FAM163A: variants seen among roughly 807,000 people sequenced by gnomAD.
FAM163A encodes the protein protein FAM163A.
In FAM163A, 7 loss-of-function variants were observed where a neutral mutation model predicts 12.0. That is an observed-to-expected ratio of 0.58 (90% CI 0.33 to 1.10). FAM163A has a LOEUF of 1.10. Among genes scored for constraint, FAM163A ranks in the 50% least tolerant of loss-of-function variants. The pLI, the probability that FAM163A is intolerant of heterozygous loss-of-function variation, is 0.03. For missense variants in FAM163A, 202 were observed against 218.6 expected (o/e 0.92, Z 0.48); for synonymous variants, 101 against 91.0 (o/e 1.11, Z -0.62).
chr1:179,746,149 A>G (rs963450386), intron 1 of FAM163A, among the ~76,000 whole-genome samples: 1 of 152,238 alleles, frequency 6.6e-6, no homozygotes, highest in African/African-American at 2.4e-5. Context: ...GTACTTTCAT[A>G]TATTGCTGCT....
At chr1:179,760,292 T>G (rs984116651) in intron 1 of FAM163A, among the ~76,000 whole-genome samples, 2 of 152,180 alleles carry the variant, frequency 1.3e-5, no homozygotes, top group Admixed American at 1.3e-4. Context: ...ATTTATTGAG[T>G]GCCCATTGTA....
intron 1 of FAM163A, among the ~76,000 whole-genome samples, chr1:179,777,079 G>A (rs1689082552): frequency 6.6e-6 from 1 of 152,222 alleles, no homozygotes; most frequent in Middle Eastern, 3.4e-3. Flanking sequence ...GAGTAGCATC[G>A]GATTGTATGA....
At chr1:179,810,375 A>G (rs1694542642) in intron 2 of FAM163A, among the ~76,000 whole-genome samples, 1 of 152,172 alleles carries the variant, frequency 6.6e-6, no homozygotes, top group South Asian at 2.1e-4. Context: ...TCCCCTGTCA[A>G]AAGCCCCGTC....
chr1:179,794,195 T>A (rs1304423141), intron 1 of FAM163A, among the ~76,000 whole-genome samples: 1 of 152,228 alleles, frequency 6.6e-6, no homozygotes, highest in Non-Finnish European at 1.5e-5. Flanking sequence ...CAGGGGCCTG[T>A]CTTTGCTGCA....
At chr1:179,767,077 C>T (rs111666744) in intron 1 of FAM163A, among the ~76,000 whole-genome samples, 3 of 152,192 alleles carry the variant, frequency 2.0e-5, no homozygotes, top group African/African-American at 7.2e-5. Flanking sequence ...TTCGAAGCTA[C>T]AAACAGGAGT....
At chr1:179,774,672 C>G (rs1688705624) in intron 1 of FAM163A, among the ~76,000 whole-genome samples, 1 of 152,154 alleles carries the variant, frequency 6.6e-6, no homozygotes, top group African/African-American at 2.4e-5. Flanking sequence ...GTGGGCTGAG[C>G]TGATGGAAGC....
At chr1:179,745,611 A>G (rs756987608) in intron 1 of FAM163A, among the ~76,000 whole-genome samples, 2 of 152,230 alleles carry the variant, frequency 1.3e-5, no homozygotes, top group Non-Finnish European at 2.9e-5. Flanking sequence ...CATTGTGAAA[A>G]GTGCCCTGGG....
chr1:179,738,486 A>G (rs1377403888), upstream of FAM163A, among the ~76,000 whole-genome samples: 1 of 152,174 alleles, frequency 6.6e-6, no homozygotes, highest in East Asian at 1.9e-4. Flanking sequence ...AAAAACCAAG[A>G]ATTTAGCAAT....
intron 1 of FAM163A, among the ~76,000 whole-genome samples, chr1:179,772,075 C>T (rs986863451): frequency 1.3e-5 from 2 of 152,172 alleles, no homozygotes; most frequent in Non-Finnish European, 2.9e-5. Flanking sequence ...CTCTCCTGCT[C>T]TTATTTTGCA....
chr1:179,740,069 T>C (rs1346916422), upstream of FAM163A, among the ~76,000 whole-genome samples: 1 of 152,228 alleles, frequency 6.6e-6, no homozygotes, highest in East Asian at 1.9e-4. Context: ...GCATTTACCT[T>C]ACAAACTAGA....
chr1:179,744,878 A>G (rs1200628835), intron 1 of FAM163A, among the ~76,000 whole-genome samples: 1 of 152,154 alleles, frequency 6.6e-6, no homozygotes, highest in Non-Finnish European at 1.5e-5. Flanking sequence ...CGTGTGGGAG[A>G]CAAACAATAA....
rs187671823 is a variant in FAM163A, at chr1:179,790,977, A to G, written c.-135-16821A>G. Among the ~76,000 whole-genome samples, 83 of 152,292 alleles carry G rather than the reference A, an allele frequency of 5.5e-4. 1 individual carries two copies. The East Asian group carries it at 0.013, about 24-fold the overall frequency. On this transcript the variant is annotated intron_variant, in intron 1 of 4. Transcript: ENST00000341785. ...CGAAAGGAAACAAACTAGAGCTCCC[A>G]TCAGTTATTTGGCCTGCATTTCTCC...
intron 1 of FAM163A, among the ~76,000 whole-genome samples, chr1:179,800,565 G>T (rs1490320425): frequency 6.6e-6 from 1 of 152,250 alleles, no homozygotes; most frequent in East Asian, 1.9e-4. Context: ...CCTTCCACAG[G>T]TGGACTGGAC....
intron 2 of FAM163A, 71 bp downstream of exon 2, chr1:179,807,959 C>G (rs1310747269): frequency 6.6e-6 from 1 of 152,360 alleles, no homozygotes; most frequent in African/African-American, 2.4e-5. Context: ...GGGGAAGGAG[C>G]TTCAGCAAGT....
chr1:179,756,813 A>G (rs1382144717), intron 1 of FAM163A, among the ~76,000 whole-genome samples: 3 of 152,166 alleles, frequency 2.0e-5, no homozygotes, highest in African/African-American at 7.2e-5. Flanking sequence ...AGTGTCATGA[A>G]TGGTTGAAGA....
At chr1:179,811,475 A>G (rs1411459259) in intron 2 of FAM163A, among the ~76,000 whole-genome samples, 1 of 152,140 alleles carries the variant, frequency 6.6e-6, no homozygotes, top group African/African-American at 2.4e-5. Flanking sequence ...AACCTACTCA[A>G]TTGGGACCTT....
chr1:179,731,457 A>T, the FAM163A span, among the ~76,000 whole-genome samples: 1 of 152,252 alleles, frequency 6.6e-6, no homozygotes, highest in Non-Finnish European at 1.5e-5. Context: ...TAGCGATCAT[A>T]ACAGTACTGA....
At chr1:179,791,309 C>T (rs1002168760) in intron 1 of FAM163A, among the ~76,000 whole-genome samples, 13 of 152,156 alleles carry the variant, frequency 8.5e-5, no homozygotes, top group South Asian at 2.1e-4. Flanking sequence ...GGAGAGCAAG[C>T]CTGTGCCCTC....
In FAM163A at chr1:179,788,781, G is replaced by A. The variant is rs10913890; in HGVS notation, c.-135-19017G>A. Among the ~76,000 whole-genome samples, 363 of 152,246 alleles carry A rather than the reference G, an allele frequency of 2.4e-3. 2 individuals are homozygous for A. Among genetic ancestry groups the A allele is most frequent in the African/African-American group, 8.0e-3 (334 of 41,536 alleles). ...CGGAGGAAAGAGGTCACAAAAAGGG[G>A]GCTCAAGAAGTCTGCAAACAAGGCA... On this transcript the variant is annotated intron_variant, in intron 1 of 4. Transcript: ENST00000341785.
Sources: allele counts gnomAD v4.1 joint callset (sites outside exome capture counted in the v4.1 genomes callset), GRCh38; gene constraint gnomAD v4.1.1; transcripts MANE v1.5; gene names NCBI Gene and HGNC (gene_info 2026-07-23, HGNC 2026-07-21).